DCC: variants seen among roughly 807,000 people sequenced by gnomAD.
DCC encodes the protein DCC netrin 1 receptor, also known as netrin receptor DCC.
DCC carries 58 observed loss-of-function variants against 172.5 expected under a neutral mutation model. That is an observed-to-expected ratio of 0.34 (90% CI 0.27 to 0.42). The LOEUF (loss-of-function observed/expected upper bound fraction) is 0.42. Ranked by LOEUF, DCC falls within the 10% of genes least tolerant of loss-of-function variation. The pLI, the probability that DCC is intolerant of heterozygous loss-of-function variation, is 1.00. For missense variants in DCC, 1,740 were observed against 1,791.0 expected (o/e 0.97, Z 0.51); for synonymous variants, 709 against 644.5 (o/e 1.10, Z -1.52).
At chr18:53,518,330 A>G (rs1177206814) in intron 27 of DCC, among the ~76,000 whole-genome samples, 1 of 152,028 alleles carries the variant, frequency 6.6e-6, no homozygotes, top group Non-Finnish European at 1.5e-5. Context: ...TGAAATCAAA[A>G]CCATGCTGTG....
chr18:52,789,607 G>A (rs1329744904), intron 2 of DCC, among the ~76,000 whole-genome samples: 2 of 152,142 alleles, frequency 1.3e-5, no homozygotes, highest in Non-Finnish European at 2.9e-5. Context: ...AACCTCACAG[G>A]TGAAACCAAC....
chr18:52,467,439 G>T (rs541518685), intron 1 of DCC, among the ~76,000 whole-genome samples: 3 of 152,122 alleles, frequency 2.0e-5, no homozygotes, highest in Non-Finnish European at 4.4e-5. Context: ...TCTTAATCCA[G>T]TCTATCATTG....
intron 1 of DCC, among the ~76,000 whole-genome samples, chr18:52,533,781 T>C (rs542248127): frequency 1.4e-3 from 209 of 152,258 alleles, no homozygotes; most frequent in African/African-American, 4.9e-3. Flanking sequence ...TACTGGGTGA[T>C]TTGCTAATTG....
At chr18:52,681,290 C>T (rs112476886) in intron 1 of DCC, among the ~76,000 whole-genome samples, 8 of 152,036 alleles carry the variant, frequency 5.3e-5, no homozygotes, top group Admixed American at 4.6e-4. Context: ...CCTTATCCTC[C>T]GTCCATTGCT....
chr18:53,293,176 G>C (rs2057025331), intron 12 of DCC, among the ~76,000 whole-genome samples: 1 of 152,150 alleles, frequency 6.6e-6, no homozygotes, highest in Non-Finnish European at 1.5e-5. Flanking sequence ...TTAATGAAAA[G>C]CTGAGAGTAG....
intron 2 of DCC, among the ~76,000 whole-genome samples, chr18:52,758,045 G>A (rs8083125): frequency 0.11 from 16,200 of 152,028 alleles, 2,865 homozygotes; most frequent in African/African-American, 0.37. Flanking sequence ...TGGTAATAAT[G>A]ATAATAATAA....
chr18:52,887,747 A>G (rs1474056094), intron 2 of DCC, among the ~76,000 whole-genome samples: 2 of 152,192 alleles, frequency 1.3e-5, no homozygotes, highest in African/African-American at 2.4e-5. Context: ...ATCCAGTTTC[A>G]TAGTATAGCT....
At chr18:52,359,616 C>T (rs1984531023) in intron 1 of DCC, among the ~76,000 whole-genome samples, 2 of 152,170 alleles carry the variant, frequency 1.3e-5, no homozygotes, top group Non-Finnish European at 2.9e-5. Flanking sequence ...TCCTGTGTTA[C>T]ATCATCTATT....
At chr18:52,427,824 C>T (rs1327749513) in intron 1 of DCC, among the ~76,000 whole-genome samples, 3 of 91,220 alleles carry the variant, frequency 3.3e-5, no homozygotes, top group Non-Finnish European at 4.3e-5. Context: ...TTCTTCCTTC[C>T]TTCCTTCCTT....
intron 6 of DCC, 96 bp downstream of exon 6, chr18:53,063,555 T>C: frequency 9.6e-7 from 1 of 1,038,628 alleles, no homozygotes; most frequent in Non-Finnish European, 1.4e-6. Context: ...AAGGTTCCTG[T>C]TGGAGATTTT....
Position 52,592,471 on chromosome 18 carries a change from C to T in DCC, c.92-159583C>T, listed in dbSNP as rs184897533. 1.4e-4 allele frequency among the ~76,000 whole-genome samples: 22 copies of T among 152,232 alleles called. No homozygotes were observed. In the East Asian group the frequency reaches 2.1e-3, roughly 15 times the overall value. Reference sequence around the variant, plus strand: ...CAAATGCTGCTAGTTAGGTTGTTGGCGGAATTCACTTTACAAAGGCTCACT... The same window carrying T: ...CAAATGCTGCTAGTTAGGTTGTTGGTGGAATTCACTTTACAAAGGCTCACT... On this transcript the variant is annotated intron_variant, in intron 1 of 28. Transcript: ENST00000442544.
chr18:52,374,990 C>T (rs1985285167), intron 1 of DCC, among the ~76,000 whole-genome samples: 1 of 152,176 alleles, frequency 6.6e-6, no homozygotes, highest in African/African-American at 2.4e-5. Context: ...ATTGACTTGT[C>T]TACATGTCAT....
At chr18:52,832,911 TA>T (rs1348921386) in intron 2 of DCC, among the ~76,000 whole-genome samples, 5 of 152,148 alleles carry the variant, frequency 3.3e-5, no homozygotes, top group Admixed American at 6.6e-5. Context: ...CAGACATTAC[TA>T]AATTTTTTTT....
At chr18:52,377,966 C>G (rs1985423536) in intron 1 of DCC, among the ~76,000 whole-genome samples, 1 of 151,990 alleles carries the variant, frequency 6.6e-6, no homozygotes, top group Admixed American at 6.6e-5. Flanking sequence ...TCCCAAAGTG[C>G]TAGGATTATA....
intron 2 of DCC, among the ~76,000 whole-genome samples, chr18:52,802,369 C>T (rs982314462): frequency 2.0e-5 from 3 of 151,858 alleles, no homozygotes; most frequent in African/African-American, 7.3e-5. Context: ...TGTATATATA[C>T]ATATACATGT....
intron 12 of DCC, among the ~76,000 whole-genome samples, chr18:53,261,786 A>G (rs973662775): frequency 6.6e-6 from 1 of 152,270 alleles, no homozygotes; most frequent in East Asian, 1.9e-4. Flanking sequence ...AGCGTGAGCC[A>G]CTGCGACCGG....
chr18:52,700,766 G>A (rs1488295064), intron 1 of DCC, among the ~76,000 whole-genome samples: 2 of 152,062 alleles, frequency 1.3e-5, no homozygotes, highest in Admixed American at 6.6e-5. Context: ...TGACAGAGTC[G>A]GCTTATAAAT....
At chr18:52,827,653 C>A (rs551712037) in intron 2 of DCC, among the ~76,000 whole-genome samples, 60 of 152,328 alleles carry the variant, frequency 3.9e-4, no homozygotes, top group African/African-American at 1.4e-3. Context: ...AAATCTAATT[C>A]CTAATCCACA....
chr18:52,894,763 G>T (rs1014617323), intron 2 of DCC, among the ~76,000 whole-genome samples: 1 of 152,018 alleles, frequency 6.6e-6, no homozygotes, highest in African/African-American at 2.4e-5. Flanking sequence ...AAGCAGTCAG[G>T]CAGAAGATGA....
Sources: allele counts gnomAD v4.1 joint callset (sites outside exome capture counted in the v4.1 genomes callset), GRCh38; gene constraint gnomAD v4.1.1; transcripts MANE v1.5; gene names NCBI Gene and HGNC (gene_info 2026-07-23, HGNC 2026-07-21).